PPP2R1B: variants seen among roughly 807,000 people sequenced by gnomAD.
PPP2R1B encodes the protein protein phosphatase 2 scaffold subunit Abeta.
In PPP2R1B, 58 loss-of-function variants were observed where a neutral mutation model predicts 72.7. The observed-to-expected ratio is 0.80, with a 90% confidence interval of 0.65 to 0.99. PPP2R1B has a LOEUF of 0.99. Ranked by LOEUF, PPP2R1B falls within the 50% of genes least tolerant of loss-of-function variation. The probability of loss-of-function intolerance (pLI) is 0.00; values close to 1 mark genes in which losing one functional copy is unlikely to be tolerated. For missense variants in PPP2R1B, 695 were observed against 733.6 expected (o/e 0.95, Z 0.61); for synonymous variants, 256 against 264.6 (o/e 0.97, Z 0.32).
In PPP2R1B at chr11:111,766,339, C is replaced by G. The variant is rs1555053216; in HGVS notation, c.23G>C (p.Gly8Ala). ...TCCACCCGCTGCTCCTGGGCCGGTCCCGAGCTCTGATGCGCCCGCCATGTT... is the reference window on the plus strand; with the variant it reads ...TCCACCCGCTGCTCCTGGGCCGGTCGCGAGCTCTGATGCGCCCGCCATGTT... MAGASEL[G>A]TGPGAAGGDG... Residue 8 changes from glycine to alanine, a missense_variant, in exon 1 of 15, where the codon GGG (glycine) becomes GCG (alanine). Gly to Ala is a moderately conservative substitution (Grantham distance 60). Transcript: ENST00000527614. The G allele has an allele frequency of 1.3e-6, 2 of 1,589,106 alleles. No individual in the cohort carries two copies. Among genetic ancestry groups the G allele is most frequent in the African/African-American group, 1.5e-5 (1 of 68,410 alleles).
the PPP2R1B span, among the ~76,000 whole-genome samples, chr11:111,696,202 A>G: frequency 6.6e-6 from 1 of 152,232 alleles, no homozygotes; most frequent in Non-Finnish European, 1.5e-5. Flanking sequence ...GAGAAGACTA[A>G]GGAATCATGA....
downstream of PPP2R1B, chr11:111,726,827 A>G: frequency 1.4e-6 from 1 of 733,080 alleles, no homozygotes; most frequent in Non-Finnish European, 2.4e-6. Flanking sequence ...CTGTATCATC[A>G]TCAGCTTCAT....
chr11:111,764,008 GTCCAACTGTTGAAT>G (rs549993463), intron 3 of PPP2R1B, among the ~76,000 whole-genome samples: 236 of 152,222 alleles, frequency 1.6e-3, no homozygotes, highest in African/African-American at 5.4e-3. Context: ...CCCCTACCTT[GTCCAACTGTTGAAT>G]TCCTGGTCAT....
intron 3 of PPP2R1B, among the ~76,000 whole-genome samples, chr11:111,764,473 G>T (rs1555052349): frequency 6.6e-6 from 1 of 152,116 alleles, no homozygotes; most frequent in African/African-American, 2.4e-5. Flanking sequence ...AAGTTAAACT[G>T]ACAAAGACAA....
rs2136081897 is a variant in PPP2R1B at position 111,753,461 on chromosome 11, TAAGAA to T, written c.1141_1145del (p.Phe381SerfsTer6). 2.5e-6 allele frequency: 4 copies of T among 1,613,262 alleles called. No homozygotes were observed. Among genetic ancestry groups the T allele is most frequent in the Non-Finnish European group, 3.4e-6 (4 of 1,179,802 alleles). On this transcript the variant is annotated frameshift_variant, in exon 9 of 15. Transcript: ENST00000527614. LOFTEE classifies it high-confidence loss of function. ...GACCCACCTCATCCTTTAACTGAGC[TAAGAA>T]AAGAGGTAGAAGATGTTCAATGGTA... is the stretch of plus-strand genomic sequence containing the variant.
chr11:111,753,598 A>C, intron 8 of PPP2R1B, 21 bp from the exon 9 acceptor site: 1 of 1,592,216 alleles, frequency 6.3e-7, no homozygotes, highest in Middle Eastern at 1.7e-4. Context: ...ATCGAAATTA[A>C]AAGCCTTTAT....
the PPP2R1B span, among the ~76,000 whole-genome samples, chr11:111,721,228 G>C: frequency 6.6e-6 from 1 of 152,148 alleles, no homozygotes; most frequent in Admixed American, 6.5e-5. Context: ...TGCCACTGAC[G>C]GGTTCAACCC....
chr11:111,736,283 G>GA (rs1454449218), downstream of PPP2R1B, among the ~76,000 whole-genome samples: 22 of 152,148 alleles, frequency 1.4e-4, no homozygotes, highest in Non-Finnish European at 2.9e-4. Context: ...AGCTGAGCAG[G>GA]TCAGCCATGG....
At chr11:111,726,850 C>T (rs534851465), downstream of PPP2R1B, 16 of 895,594 alleles carry the variant, frequency 1.8e-5, no homozygotes, top group Non-Finnish European at 2.7e-5. Flanking sequence ...CCCTGTAAAC[C>T]AGGCTCCTCT....
chr11:111,692,387 A>AAAAAAAAAAC, the PPP2R1B span, among the ~76,000 whole-genome samples: 9 of 113,486 alleles, frequency 7.9e-5, no homozygotes, highest in Admixed American at 2.0e-4. Context: ...AAAAAAAAAA[A>AAAAAAAAAAC]ACACAAAAAG....
At position 111,766,372 on chromosome 11, in the gene PPP2R1B, C is replaced by T. The variant is rs1555053272; in HGVS notation, c.-11G>A. ...TGATGCGCCCGCCATGTTCTTTCTCCTCCTGCTGCTGGTCACCGCCTCCCG... is the reference window on the plus strand; with the variant it reads ...TGATGCGCCCGCCATGTTCTTTCTCTTCCTGCTGCTGGTCACCGCCTCCCG... On this transcript the variant is annotated 5_prime_UTR_variant, in exon 1 of 15. Transcript: ENST00000527614. The T allele has an allele frequency of 3.2e-5, 21 of 665,618 alleles. No individual in the cohort carries two copies. Among genetic ancestry groups the T allele is most frequent in the Non-Finnish European group, 4.7e-5 (21 of 447,324 alleles). The allele number at this position is 665,618 out of a possible 1,614,324, so 41.2% of individuals were successfully genotyped here.
downstream of PPP2R1B, chr11:111,721,951 C>T: frequency 6.4e-7 from 1 of 1,567,406 alleles, no homozygotes; most frequent in Non-Finnish European, 8.6e-7. Context: ...GTGGGTCCTT[C>T]TCCTTGCGAG....
chr11:111,720,713 A>C, the PPP2R1B span: 1 of 1,612,232 alleles, frequency 6.2e-7, no homozygotes, highest in African/African-American at 1.3e-5. Flanking sequence ...ACAGGTCTCC[A>C]GTGAGCTTCA....
At chr11:111,745,627 C>G (rs1454650459) in intron 11 of PPP2R1B, among the ~76,000 whole-genome samples, 2 of 152,188 alleles carry the variant, frequency 1.3e-5, no homozygotes, top group Non-Finnish European at 2.9e-5. Context: ...CAAGGCCTGG[C>G]TGACCTGCAA....
At chr11:111,757,530 T>G (rs1945168364) in intron 5 of PPP2R1B, among the ~76,000 whole-genome samples, 1 of 152,144 alleles carries the variant, frequency 6.6e-6, no homozygotes, top group Non-Finnish European at 1.5e-5. Context: ...AGCTAATACA[T>G]ATTTGTTAAA....
chr11:111,723,622 TCCA>T, downstream of PPP2R1B: 1 of 1,613,728 alleles, frequency 6.2e-7, no homozygotes, highest in African/African-American at 1.3e-5. Context: ...GCCAGGAGAC[TCCA>T]CCGCCTTCTC....
downstream of PPP2R1B, among the ~76,000 whole-genome samples, chr11:111,737,231 G>A (rs1256140879): frequency 7.2e-5 from 11 of 152,122 alleles, no homozygotes; most frequent in South Asian, 2.1e-4. Context: ...AGCTCTGGCC[G>A]GCGACCCACC....
At chr11:111,758,584 TTTTAAAAAAAGAAAAGAAAAGAAAA>T (rs1555050385) in intron 5 of PPP2R1B, among the ~76,000 whole-genome samples, 1 of 151,906 alleles carries the variant, frequency 6.6e-6, no homozygotes, top group African/African-American at 2.4e-5. Context: ...GTGAGACTCC[TTTTAAAAAAAGAAAAGAAAAGAAAA>T]GAAAAAGTGC....
chr11:111,747,176 TA>T (rs1428139671), intron 11 of PPP2R1B, among the ~76,000 whole-genome samples: 6 of 152,150 alleles, frequency 3.9e-5, no homozygotes, highest in Admixed American at 1.3e-4. Flanking sequence ...CATGACCCCA[TA>T]GGGGCACTCA....
Sources: allele counts gnomAD v4.1 joint callset (sites outside exome capture counted in the v4.1 genomes callset), GRCh38; gene constraint gnomAD v4.1.1; transcripts MANE v1.5; gene names NCBI Gene and HGNC (gene_info 2026-07-23, HGNC 2026-07-21).